TASL: variants seen among roughly 807,000 people sequenced by gnomAD.
The protein encoded by TASL is TLR adapter interacting with SLC15A4 on the lysosome.
Under a neutral mutation model 12.9 loss-of-function variants are expected in TASL, and 6 were observed. The observed-to-expected ratio is 0.46, with a 90% CI of 0.25 to 0.92. The LOEUF (loss-of-function observed/expected upper bound fraction) is 0.92. Among genes scored for constraint, TASL ranks in the 40% least tolerant of loss-of-function variants. The pLI is 0.17. For missense variants in TASL, 165 were observed against 212.8 expected, an observed-to-expected ratio of 0.78 and a Z score of 1.40; for synonymous variants, 85 against 79.3, an observed-to-expected ratio of 1.07 and a Z score of -0.38.
At chrX:30,573,951 C>T (rs1601839405) in intron 2 of TASL, among the ~76,000 whole-genome samples, 1 of 111,606 alleles carries the variant, frequency 9.0e-6, no homozygotes, top group Non-Finnish European at 1.9e-5. Flanking sequence ...AATAAATAAA[C>T]AAATAATACA....
intron 2 of TASL, among the ~76,000 whole-genome samples, chrX:30,571,599 G>C (rs1054148170): frequency 2.1e-5 from 2 of 95,886 alleles, no homozygotes; most frequent in Non-Finnish European, 4.1e-5. Flanking sequence ...CTGCCCTTCA[G>C]CCGGGGCGAT....
intron 2 of TASL, among the ~76,000 whole-genome samples, chrX:30,571,256 G>GAGAAAGAAAGAAAGAAAGAA (rs58163494): frequency 1.6e-4 from 6 of 36,806 alleles, no homozygotes; most frequent in African/African-American, 2.7e-4. Context: ...GAGAAAGAAA[G>GAGAAAGAAAGAAAGAAAGAA]AGAAAGAAAG....
At position 30,560,352 on chromosome X, in the gene TASL, G is replaced by A; in HGVS notation, c.4C>T (p.Leu2=). The A allele has an allele frequency of 4.3e-6, 5 of 1,158,477 alleles. No homozygotes were observed. Among genetic ancestry groups the A allele is most frequent in the Non-Finnish European group, 5.8e-6 (5 of 864,323 alleles). The change falls in exon 3 of 3, where the codon CTG becomes TTG. Residue 2 remains leucine (L), a synonymous_variant. Transcript: ENST00000378962. ...AGTCCACTGAGATACCCTTCTGACAGCATTCTGGAAAGAGAATTGATGAGT... is the reference window on the plus strand; with the variant it reads ...AGTCCACTGAGATACCCTTCTGACAACATTCTGGAAAGAGAATTGATGAGT... M[L]SEGYLSGLEY...
Position 30,559,219 on chromosome X carries a change from G to T in TASL, c.*231C>A. On this transcript the variant is annotated 3_prime_UTR_variant, in exon 3 of 3. Coordinates refer to ENST00000378962, the MANE Select transcript of TASL (RefSeq NM_025159.3). ...TGATCATTTTTATTTTTGCTTCCTT[G>T]CTGTACACACCTCTCTTTGAAATCA... 3.2e-6 allele frequency: 1 copy of T among 312,606 alleles called. No individual in the cohort carries two copies. 25.8% of individuals were successfully genotyped at this position (312,606 alleles called of 1,213,427 possible). A position where few individuals can be genotyped will look rare whatever the true frequency, so the allele number is the denominator to read the frequency against.
chrX:30,574,183 G>T lies in TASL; in HGVS notation c.-2+2569C>A, dbSNP rs192068638. Reference sequence around the variant, plus strand: ...TTTTGTCTTCCGTCCTGAGAGTTCTGGTTCCCTATCCATCCTCTGGTCCAC... The same window carrying T: ...TTTTGTCTTCCGTCCTGAGAGTTCTTGTTCCCTATCCATCCTCTGGTCCAC... On this transcript the variant is annotated intron_variant, in intron 2 of 2. Transcript: ENST00000378962. Among the ~76,000 whole-genome samples the T allele has an allele frequency of 1.5e-3, 171 of 110,415 alleles. 1 individual carries two copies. Among genetic ancestry groups the T allele is most frequent in the African/African-American group, 5.1e-3 (156 of 30,321 alleles).
In TASL at chrX:30,559,469, T is replaced by C. The variant is rs770999789; in HGVS notation, c.887A>G (p.Tyr296Cys). Reference protein sequence around the residue: ...ISTPSLHISQYSNVNP With the variant: ...ISTPSLHISQCSNVNP ...TCCTCTCTATGGATTTACATTGCTATACTGAGAAATATGGAGACTAGGAGT... is the reference window on the plus strand; with the variant it reads ...TCCTCTCTATGGATTTACATTGCTACACTGAGAAATATGGAGACTAGGAGT... Residue 296 changes from tyrosine (Y) to cysteine (C), a missense_variant, in exon 3 of 3, where the codon TAT (tyrosine) becomes TGT (cysteine). Physicochemically the swap from Tyr to Cys is radical, Grantham distance 194. Transcript: ENST00000378962. The C allele has an allele frequency of 8.4e-7, 1 of 1,188,834 alleles. No homozygotes were observed. The highest frequency in any genetic ancestry group is 1.9e-5 in the South Asian group (1 of 53,420).
intron 2 of TASL, among the ~76,000 whole-genome samples, chrX:30,571,645 G>T (rs891873898): frequency 9.3e-6 from 1 of 107,702 alleles, no homozygotes; most frequent in Non-Finnish European, 1.9e-5. Context: ...AGGGGGGGGG[G>T]GCATTACTGC....
At chrX:30,561,040 A>C (rs989491083) in intron 2 of TASL, among the ~76,000 whole-genome samples, 1 of 112,005 alleles carries the variant, frequency 8.9e-6, no homozygotes, top group Admixed American at 9.5e-5. Context: ...GCTGTGTCTT[A>C]CTTAACTTTG....
chrX:30,560,499 T>C, intron 2 of TASL, 143 bp from the exon 3 acceptor site: 2 of 463,284 alleles, frequency 4.3e-6, no homozygotes, highest in Non-Finnish European at 7.3e-6. Context: ...GTGCCTACTG[T>C]GTACCAGGAC....
chrX:30,576,564 AG>A (rs907797697), intron 2 of TASL, among the ~76,000 whole-genome samples, 187 bp downstream of exon 2: 3 of 110,358 alleles, frequency 2.7e-5, no homozygotes, highest in East Asian at 2.8e-4. Flanking sequence ...AAAAATTGGG[AG>A]GGGGAAAAAA....
At chrX:30,560,808 C>T (rs1446349121) in intron 2 of TASL, among the ~76,000 whole-genome samples, 4 of 110,012 alleles carry the variant, frequency 3.6e-5, no homozygotes, top group African/African-American at 1.3e-4. Context: ...GGTGGCATGA[C>T]CTACTCACCA....
At chrX:30,576,163 G>C (rs1326243271) in intron 2 of TASL, among the ~76,000 whole-genome samples, 1 of 112,032 alleles carries the variant, frequency 8.9e-6, no homozygotes, top group Admixed American at 9.5e-5. Context: ...AGGACATGTG[G>C]ATAATTAGGA....
chrX:30,561,583 T>C (rs991236854), intron 2 of TASL, among the ~76,000 whole-genome samples: 13 of 112,037 alleles, frequency 1.2e-4, no homozygotes, highest in African/African-American at 3.6e-4. Flanking sequence ...TAACCATACA[T>C]AAAGGTCCTT....
At chrX:30,571,246 G>GAGAA (rs200635175) in intron 2 of TASL, among the ~76,000 whole-genome samples, 25,848 of 46,869 alleles carry the variant, frequency 0.55, 6,979 homozygotes, top group East Asian at 0.89. Context: ...GAAGGAAAAA[G>GAGAA]AGAAAGAAAG....
chrX:30,571,278 G>GAAAGAAAGAAAGAAAGAA lies in TASL; in HGVS notation c.-2+5456_-2+5473dup, dbSNP rs1569306114. Among the ~76,000 whole-genome samples, 106 of 74,613 alleles carry GAAAGAAAGAAAGAAAGAA rather than the reference G, an allele frequency of 1.4e-3. 1 individual carries two copies. Among genetic ancestry groups the GAAAGAAAGAAAGAAAGAA allele is most frequent in the Non-Finnish European group, 2.0e-3 (77 of 38,400 alleles). 64.8% of individuals were successfully genotyped at this position (74,613 alleles called of 115,157 possible). On this transcript the variant is annotated intron_variant, in intron 2 of 2. Transcript: ENST00000378962. Reference sequence around the variant, plus strand: ...AAAGAGAAAGAAAGAAAGAAAGAAAGAAAGAAAGAAAGAAAGAAAGAAAGA... The same window carrying GAAAGAAAGAAAGAAAGAA: ...AAAGAGAAAGAAAGAAAGAAAGAAAGAAAGAAAGAAAGAAAGAAAAAGAAAGAAAGAAAGAAAGAAAGA...
chrX:30,565,776 GT>G (rs766005529), intron 2 of TASL, among the ~76,000 whole-genome samples: 1 of 110,158 alleles, frequency 9.1e-6, no homozygotes, highest in Admixed American at 9.6e-5. Flanking sequence ...TTGTTTTTTT[GT>G]TTTTTTGTTT....
chrX:30,571,357 G>A (rs1260835399), intron 2 of TASL, among the ~76,000 whole-genome samples: 1 of 108,903 alleles, frequency 9.2e-6, no homozygotes, highest in Non-Finnish European at 1.9e-5. Flanking sequence ...GGTGGCTCAC[G>A]CCTGTAATCT....
At position 30,574,760 on chromosome X, in the gene TASL, A is replaced by G. The variant is rs770219507; in HGVS notation, c.-2+1992T>C. Among the ~76,000 whole-genome samples, 4 of 112,283 alleles carry G rather than the reference A, an allele frequency of 3.6e-5. No individual in the cohort carries two copies. The South Asian group carries it at 1.1e-3, about 31-fold the overall frequency. ...TTAAGAGTTTTGAAATAGTACATCT[A>G]AAGACACATCTTATTTTAGTAAATC... On this transcript the variant is annotated intron_variant, in intron 2 of 2. Transcript: ENST00000378962.
At chrX:30,569,134 A>G (rs1056271168) in intron 2 of TASL, among the ~76,000 whole-genome samples, 2 of 111,324 alleles carry the variant, frequency 1.8e-5, no homozygotes, top group Non-Finnish European at 3.8e-5. Flanking sequence ...ACATGATATA[A>G]TATGGCAATA....
Sources: gnomAD v4.1 joint callset for allele counts (sites outside exome capture counted in the v4.1 genomes callset) on GRCh38, gnomAD v4.1.1 for gene constraint, MANE v1.5 for transcripts, NCBI Gene and HGNC (gene_info 2026-07-23, HGNC 2026-07-21) for gene names.